ASXL3: variants seen among roughly 807,000 people sequenced by gnomAD.
ASXL3 encodes the protein ASXL transcriptional regulator 3, also known as putative Polycomb group protein ASXL3.
In ASXL3, 34 loss-of-function variants were observed where a neutral mutation model predicts 170.6. The observed-to-expected ratio is 0.20, with a 90% confidence interval of 0.15 to 0.27. ASXL3 has a LOEUF of 0.27. Among genes scored for constraint, ASXL3 ranks in the 10% least tolerant of loss-of-function variants. ASXL3 has a pLI of 1.00. For synonymous variants in ASXL3, 1,002 were observed against 989.1 expected, an observed-to-expected ratio of 1.01 and a Z score of -0.24; for missense variants, 2,592 against 2,695.3, an observed-to-expected ratio of 0.96 and a Z score of 0.85.
intron 1 of ASXL3, among the ~76,000 whole-genome samples, chr18:33,605,967 A>G (rs1420515580): frequency 1.3e-5 from 2 of 151,930 alleles, no homozygotes; most frequent in Non-Finnish European, 2.9e-5. Flanking sequence ...TATATAGTCC[A>G]TGTGAACACA....
intron 2 of ASXL3, among the ~76,000 whole-genome samples, chr18:33,616,481 G>A (rs934179163): frequency 3.3e-5 from 5 of 151,978 alleles, no homozygotes; most frequent in African/African-American, 1.2e-4. Context: ...CATTGTTGAT[G>A]TAAGATTGGA....
chr18:33,683,345 C>T (rs543466899), intron 7 of ASXL3, 60 bp from the exon 8 acceptor site: 17 of 1,434,716 alleles, frequency 1.2e-5, no homozygotes, highest in East Asian at 7.1e-5. Flanking sequence ...TTTGTGTGTA[C>T]GTACGTACAC....
intron 5 of ASXL3, among the ~76,000 whole-genome samples, chr18:33,667,928 A>C (rs1004441768): frequency 8.5e-5 from 13 of 152,230 alleles, no homozygotes; most frequent in African/African-American, 3.1e-4. Flanking sequence ...GATAAGTTAT[A>C]TAAATAACAA....
rs1470640819 is a variant in ASXL3, at chr18:33,743,343, T to C, written c.3495T>C (p.Cys1165=). The change falls in exon 12 of 12, where the codon TGT becomes TGC. Residue 1165 remains cysteine, a synonymous_variant. Coordinates refer to ENST00000269197, the MANE Select transcript of ASXL3 (RefSeq NM_030632.3). ...GTGTCATTATTGTCAATCCAAACTGTAGATCTCCTAGCAACAAGTCTGCCC... is the reference window on the plus strand; with the variant it reads ...GTGTCATTATTGTCAATCCAAACTGCAGATCTCCTAGCAACAAGTCTGCCC... ...STGVIIVNPN[C]RSPSNKSAHL... The C allele has an allele frequency of 7.4e-6, 12 of 1,613,770 alleles. No homozygotes were observed. Among genetic ancestry groups the C allele is most frequent in the Admixed American group, 1.7e-5 (1 of 60,010 alleles).
At chr18:33,578,757 C>A in intron 1 of ASXL3, 72 bp downstream of exon 1, 3 of 965,722 alleles carry the variant, frequency 3.1e-6, no homozygotes, top group Non-Finnish European at 3.9e-6. Context: ...CGGTCCGCGG[C>A]GGCGGAGACG....
intron 10 of ASXL3, 122 bp downstream of exon 10, chr18:33,734,537 C>T: frequency 1.9e-6 from 1 of 518,030 alleles, no homozygotes; most frequent in Non-Finnish European, 3.2e-6. Flanking sequence ...GGCAATAGTC[C>T]CTCAGTGTAA....
At chr18:33,632,669 T>C (rs1377937679) in intron 2 of ASXL3, among the ~76,000 whole-genome samples, 1 of 152,156 alleles carries the variant, frequency 6.6e-6, no homozygotes, top group African/African-American at 2.4e-5. Context: ...TTTTGTTTTG[T>C]TTTTTGTCTT....
At position 33,745,172 on chromosome 18, in the gene ASXL3, T is replaced by C; in HGVS notation, c.5324T>C (p.Ile1775Thr). The C allele has an allele frequency of 6.2e-7, 1 of 1,613,942 alleles. No homozygotes were observed. Among genetic ancestry groups the C allele is most frequent in the Non-Finnish European group, 8.5e-7 (1 of 1,179,896 alleles). ...CCCAGATTGGGAGCCAAGCTTGAAATCAACAGGCTTCCATTGCCTCTTCAA... is the reference window on the plus strand; with the variant it reads ...CCCAGATTGGGAGCCAAGCTTGAAACCAACAGGCTTCCATTGCCTCTTCAA... ...PQPRLGAKLE[I>T]NRLPLPLQTT... Residue 1775 changes from isoleucine to threonine, a missense_variant, in exon 12 of 12, where the codon ATC (isoleucine) becomes ACC (threonine). This residue lies in a region of ASXL3 where 2,246 missense variants were observed against 2,219.6 expected (regional missense o/e 1.01). Transcript: ENST00000269197.
At chr18:33,659,255 A>G (rs2066133465) in intron 4 of ASXL3, among the ~76,000 whole-genome samples, 1 of 152,106 alleles carries the variant, frequency 6.6e-6, no homozygotes. Flanking sequence ...CCTTTGAAAG[A>G]CAGAGGAATA....
chr18:33,601,795 A>ATATATATATATATG (rs1377913565), intron 1 of ASXL3, among the ~76,000 whole-genome samples: 1 of 143,598 alleles, frequency 7.0e-6, no homozygotes, highest in African/African-American at 2.6e-5. Flanking sequence ...GTATATATAT[A>ATATATATATATATG]GTTTGTTTGT....
chr18:33,682,345 C>T (rs768795687), intron 7 of ASXL3, among the ~76,000 whole-genome samples: 17 of 152,262 alleles, frequency 1.1e-4, no homozygotes, highest in East Asian at 1.9e-4. Context: ...AAGTCATTAT[C>T]GTAGCTCAAG....
At chr18:33,640,695 T>C (rs903097783) in intron 2 of ASXL3, among the ~76,000 whole-genome samples, 3 of 152,158 alleles carry the variant, frequency 2.0e-5, no homozygotes, top group African/African-American at 7.2e-5. Context: ...TCTTAAAATA[T>C]ATTCTTTATA....
intron 8 of ASXL3, among the ~76,000 whole-genome samples, chr18:33,726,326 A>G (rs2067350374): frequency 6.6e-6 from 1 of 151,954 alleles, no homozygotes; most frequent in African/African-American, 2.4e-5. Flanking sequence ...AGCTACTATC[A>G]TTTTTTTCCT....
chr18:33,732,129 C>G (rs2067459841), intron 9 of ASXL3, 65 bp downstream of exon 9: 2 of 1,304,798 alleles, frequency 1.5e-6, no homozygotes, highest in Non-Finnish European at 2.1e-6. Flanking sequence ...GAGCTTGTAC[C>G]TTTCTCTGAT....
At chr18:33,734,063 A>G (rs1269944248) in intron 9 of ASXL3, among the ~76,000 whole-genome samples, 2 of 140,672 alleles carry the variant, frequency 1.4e-5, no homozygotes, top group Non-Finnish European at 1.6e-5. Context: ...ATTCTTCTAA[A>G]GCATTTAGCT....
chr18:33,590,631 T>C (rs568616900), intron 1 of ASXL3, among the ~76,000 whole-genome samples: 4 of 152,266 alleles, frequency 2.6e-5, no homozygotes, highest in African/African-American at 9.6e-5. Flanking sequence ...TTACTTCTGT[T>C]ATTATTTTTA....
At chr18:33,603,800 T>A (rs544826824) in intron 1 of ASXL3, among the ~76,000 whole-genome samples, 1 of 152,102 alleles carries the variant, frequency 6.6e-6, no homozygotes, top group South Asian at 2.1e-4. Flanking sequence ...AGAGATTGAG[T>A]GAAGTAAGAT....
At chr18:33,720,701 T>A (rs1472115438) in intron 8 of ASXL3, among the ~76,000 whole-genome samples, 1 of 152,036 alleles carries the variant, frequency 6.6e-6, no homozygotes, top group Non-Finnish European at 1.5e-5. Flanking sequence ...CCTTCTCTAA[T>A]TGTGGAGAAG....
chr18:33,744,314 T>C lies in ASXL3; in HGVS notation c.4466T>C (p.Val1489Ala). 6.2e-7 allele frequency: 1 copy of C among 1,613,986 alleles called. No homozygotes were observed. The highest frequency in any genetic ancestry group is 1.1e-5 in the South Asian group (1 of 91,078). Residue 1489 changes from valine (V) to alanine (A), a missense_variant, in exon 12 of 12, where the codon GTC becomes GCC. Transcript: ENST00000269197. Reference sequence around the variant, plus strand: ...CTGACCTCCAGTTTGTCTCTGACTGTCTCCGTTGAAAGCTCAGAAGCCAGC... The same window carrying C: ...CTGACCTCCAGTTTGTCTCTGACTGCCTCCGTTGAAAGCTCAGAAGCCAGC... ...TTLTSSLSLT[V>A]SVESSEASLD...
Sources: gnomAD v4.1 joint callset for allele counts (sites outside exome capture counted in the v4.1 genomes callset) on GRCh38, gnomAD v4.1.1 for gene constraint, gnomAD v4.1.1 regional missense constraint, MANE v1.5 for transcripts, NCBI Gene and HGNC (gene_info 2026-07-23, HGNC 2026-07-21) for gene names.